ZFAND3: variants seen among roughly 807,000 people sequenced by gnomAD.
The protein encoded by ZFAND3 is zinc finger AN1-type containing 3.
A neutral mutation model predicts 29.6 loss-of-function variants in ZFAND3; 10 were observed. The observed-to-expected ratio is 0.34, with a 90% CI of 0.21 to 0.57. The LOEUF is 0.57. ZFAND3 is among the 20% of genes least tolerant of loss of function. The pLI is 0.86. For synonymous variants in ZFAND3, 128 were observed against 112.6 expected (o/e 1.14, Z -0.87); for missense variants, 230 against 304.5 (o/e 0.76, Z 1.82).
intron 1 of ZFAND3, among the ~76,000 whole-genome samples, chr6:37,900,693 C>T (rs1029649058): frequency 2.6e-5 from 4 of 151,954 alleles, no homozygotes; most frequent in East Asian, 1.9e-4. Flanking sequence ...TTCCAGGTAG[C>T]GGAAATTCCA....
Position 37,985,564 on chromosome 6 carries a change from C to T in ZFAND3, c.112+55565C>T, listed in dbSNP as rs369828569. ...GCCTGGTGGCACGTGCTTGTGGTTC[C>T]AGCTACTCAGGAGACTGAGGTGGAA... On this transcript the variant is annotated intron_variant, in intron 2 of 5. Coordinates refer to ENST00000287218, the MANE Select transcript of ZFAND3 (RefSeq NM_021943.3). 1.1e-4 allele frequency among the ~76,000 whole-genome samples: 16 copies of T among 151,838 alleles called. No individual in the cohort carries two copies. The East Asian group carries it at 2.9e-3, about 28-fold the overall frequency.
At chr6:38,019,210 G>A (rs1376966971) in intron 2 of ZFAND3, among the ~76,000 whole-genome samples, 1 of 152,100 alleles carries the variant, frequency 6.6e-6, no homozygotes, top group Non-Finnish European at 1.5e-5. Context: ...CACCCACCTC[G>A]GCCTCCCAAA....
intron 2 of ZFAND3, among the ~76,000 whole-genome samples, chr6:37,953,642 G>C (rs1330307972): frequency 6.6e-6 from 1 of 151,714 alleles, no homozygotes; most frequent in Admixed American, 6.6e-5. Context: ...TGTAGAGACA[G>C]GGTCTCAGTA....
At chr6:38,044,906 G>A (rs2495213) in intron 2 of ZFAND3, among the ~76,000 whole-genome samples, 144,882 of 152,100 alleles carry the variant, frequency 0.95, 69,332 homozygotes, top group East Asian at 1. Flanking sequence ...TGCTTTTGTT[G>A]TATTGTAGCT....
chr6:37,947,733 AT>A (rs11320749), intron 2 of ZFAND3, among the ~76,000 whole-genome samples: 139,753 of 151,594 alleles, frequency 0.92, 65,179 homozygotes, highest in East Asian at 1. Context: ...AGTTGTACAC[AT>A]TTTTTTTTTA....
At chr6:37,882,944 TG>T (rs1337884246) in intron 1 of ZFAND3, among the ~76,000 whole-genome samples, 2 of 152,192 alleles carry the variant, frequency 1.3e-5, no homozygotes, top group African/African-American at 4.8e-5. Flanking sequence ...GTAGCCTGGG[TG>T]CATTGTCTCA....
chr6:37,858,411 G>A (rs150667917), intron 1 of ZFAND3, among the ~76,000 whole-genome samples: 27 of 152,304 alleles, frequency 1.8e-4, no homozygotes, highest in East Asian at 1.5e-3. Flanking sequence ...TATGCTTGAC[G>A]TGCCGAAAGG....
chr6:38,024,470 C>CAAA lies in ZFAND3; in HGVS notation c.113-37108_113-37106dup, dbSNP rs34123545. 8.3e-3 allele frequency among the ~76,000 whole-genome samples: 940 copies of CAAA among 112,652 alleles called. 10 individuals are homozygous for CAAA. Among genetic ancestry groups the CAAA allele is most frequent in the African/African-American group, 0.028 (840 of 29,644 alleles). 73.9% of individuals were successfully genotyped at this position (112,652 alleles called of 152,430 possible). A position where few individuals can be genotyped will look rare whatever the true frequency, so the allele number is the denominator to read the frequency against. ...TGGGCGACAGAGCGAGACTCCGTCT[C>CAAA]AAAAAAAAAAAAAAAAAGTACCTAA... On this transcript the variant is annotated intron_variant, in intron 2 of 5. Transcript: ENST00000287218.
At chr6:37,825,029 A>G (rs1027151578) in intron 1 of ZFAND3, among the ~76,000 whole-genome samples, 1 of 152,214 alleles carries the variant, frequency 6.6e-6, no homozygotes, top group African/African-American at 2.4e-5. Flanking sequence ...ATCAATGTAT[A>G]TATTTTTTCC....
intron 1 of ZFAND3, among the ~76,000 whole-genome samples, chr6:37,918,978 G>A (rs989496450): frequency 1.4e-4 from 10 of 70,960 alleles, no homozygotes; most frequent in Non-Finnish European, 7.9e-5. Flanking sequence ...TTTTGAGACG[G>A]AGTCTCGCTC....
chr6:37,904,566 G>T (rs1765375617), intron 1 of ZFAND3, among the ~76,000 whole-genome samples: 1 of 152,144 alleles, frequency 6.6e-6, no homozygotes, highest in African/African-American at 2.4e-5. Flanking sequence ...CTGCCTGGCT[G>T]TACATTTTCC....
In ZFAND3 at chr6:38,061,717, T is replaced by G. The variant is rs970081841; in HGVS notation, c.237T>G (p.Ser79Arg). 3 of 1,613,934 alleles carry G rather than the reference T, an allele frequency of 1.9e-6. No homozygotes were observed. The African/African-American group carries it at 4.0e-5, about 22-fold the overall frequency. The change falls in exon 3 of 6, where the codon AGT (serine) becomes AGG (arginine). Residue 79 changes from serine (S) to arginine (R), a missense_variant. Around this residue, in one of 2 missense-constraint regions of ZFAND3, gnomAD observed 180 missense variants for 202.5 expected, o/e 0.89. Coordinates refer to ENST00000287218, the MANE Select transcript of ZFAND3 (RefSeq NM_021943.3). ...CCTCGATAACCACGCCAACTCTTAG[T>G]CCCAGCCAGCAGCCGCTTCCGACAG... The part of the protein sequence containing the change: ...NNTSITTPTL[S>R]PSQQPLPTEL...
At chr6:37,896,610 T>C (rs113205699) in intron 1 of ZFAND3, among the ~76,000 whole-genome samples, 3,947 of 146,286 alleles carry the variant, frequency 0.027, 180 homozygotes, top group African/African-American at 0.094. Flanking sequence ...CTCTCTCTCT[T>C]TCTTTCTTTT....
At chr6:38,114,517 T>G (rs908972342) in intron 4 of ZFAND3, among the ~76,000 whole-genome samples, 1 of 152,182 alleles carries the variant, frequency 6.6e-6, no homozygotes, top group Non-Finnish European at 1.5e-5. Context: ...TGGTTTGTAT[T>G]GGGGCAAAAT....
At chr6:38,016,191 T>C (rs952767806) in intron 2 of ZFAND3, among the ~76,000 whole-genome samples, 5 of 152,212 alleles carry the variant, frequency 3.3e-5, no homozygotes, top group Non-Finnish European at 7.4e-5. Flanking sequence ...CTTTGGGCTT[T>C]AGTGTGCACA....
chr6:38,023,330 C>T (rs1321765482), intron 2 of ZFAND3, among the ~76,000 whole-genome samples: 1 of 152,114 alleles, frequency 6.6e-6, no homozygotes, highest in African/African-American at 2.4e-5. Context: ...GTATTATTCC[C>T]AACAGCTTAG....
At chr6:38,119,961 A>G (rs1441535370) in intron 5 of ZFAND3, among the ~76,000 whole-genome samples, 1 of 152,124 alleles carries the variant, frequency 6.6e-6, no homozygotes, top group Non-Finnish European at 1.5e-5. Context: ...TGACTAGATA[A>G]CCTTTAAATC....
At chr6:37,872,248 A>G (rs1211336656) in intron 1 of ZFAND3, among the ~76,000 whole-genome samples, 3 of 152,040 alleles carry the variant, frequency 2.0e-5, no homozygotes, top group Non-Finnish European at 1.5e-5. Context: ...TGCAATTCCC[A>G]TTTTCCGGTG....
In ZFAND3 at chr6:38,083,726, GAAC is replaced by G. The variant is rs906819377; in HGVS notation, c.361+1271_361+1273del. Among the ~76,000 whole-genome samples, 10 of 152,172 alleles carry G rather than the reference GAAC, an allele frequency of 6.6e-5. No individual in the cohort carries two copies. The East Asian group carries it at 7.7e-4, about 12-fold the overall frequency. On this transcript the variant is annotated intron_variant, in intron 4 of 5. Transcript: ENST00000287218. ...GGTAGCAGTCAAGGAGTTGAACCTT[GAAC>G]ACACTGGGTCATCCTGAGAGGTTTG...
Sources: gnomAD v4.1 joint callset for allele counts (sites outside exome capture counted in the v4.1 genomes callset) on GRCh38, gnomAD v4.1.1 for gene constraint, gnomAD v4.1.1 regional missense constraint, MANE v1.5 for transcripts, NCBI Gene and HGNC (gene_info 2026-07-23, HGNC 2026-07-21) for gene names.